Variants in USP4 observed in about 807,000 individuals in gnomAD.
USP4 encodes ubiquitin specific peptidase 4, also known as ubiquitin carboxyl-terminal hydrolase 4.
A neutral mutation model predicts 118.2 loss-of-function variants in USP4; 72 were observed. The ratio of observed to expected loss-of-function variants is 0.61; its 90% confidence interval spans 0.50 to 0.74. The LOEUF (loss-of-function observed/expected upper bound fraction) is 0.74. Among genes scored for constraint, USP4 ranks in the 30% least tolerant of loss-of-function variants. USP4 has a pLI of 0.00. For missense variants in USP4, 1,037 were observed against 1,185.7 expected (o/e 0.87, Z 1.84); for synonymous variants, 415 against 440.4 (o/e 0.94, Z 0.72).
intron 6 of USP4, chr3:49,317,450 C>G: frequency 1.2e-6 from 1 of 811,604 alleles, no homozygotes; most frequent in Non-Finnish European, 2.1e-6. Flanking sequence ...AGCGCCATGC[C>G]CTGCTGGGTC....
chr3:49,338,970 AC>A (rs1173761804), intron 1 of USP4, among the ~76,000 whole-genome samples: 1 of 152,012 alleles, frequency 6.6e-6, no homozygotes, highest in Non-Finnish European at 1.5e-5. Context: ...ACATGGTGAA[AC>A]CCGGTCTCTA....
At chr3:49,280,513 T>C (rs1440305653) in intron 20 of USP4, among the ~76,000 whole-genome samples, 1 of 149,232 alleles carries the variant, frequency 6.7e-6, no homozygotes, top group Non-Finnish European at 1.5e-5. Context: ...GTGAGTGAGA[T>C]TGCGCCACTG....
At chr3:49,330,298 C>T (rs1309113300) in intron 2 of USP4, among the ~76,000 whole-genome samples, 4 of 152,024 alleles carry the variant, frequency 2.6e-5, no homozygotes, top group Non-Finnish European at 5.9e-5. Flanking sequence ...TCCATCAGAG[C>T]TCTTGGGTAA....
At chr3:49,309,943 C>CTTTTTTTATTTTTTTTTTTT (rs2047366039) in intron 8 of USP4, among the ~76,000 whole-genome samples, 1 of 40,236 alleles carries the variant, frequency 2.5e-5, no homozygotes, top group Admixed American at 4.6e-4. Context: ...TTTTTTTAAT[C>CTTTTTTTATTTTTTTTTTTT]TTTTTTTTTT....
At chr3:49,300,900 C>T (rs913418498) in intron 10 of USP4, among the ~76,000 whole-genome samples, 5 of 152,008 alleles carry the variant, frequency 3.3e-5, no homozygotes, top group African/African-American at 9.7e-5. Context: ...CCCCAACACA[C>T]ATATATATAT....
chr3:49,332,543 TC>T (rs2047629146), intron 2 of USP4, among the ~76,000 whole-genome samples: 1 of 151,802 alleles, frequency 6.6e-6, no homozygotes, highest in South Asian at 2.1e-4. Flanking sequence ...GGGTGTTTTG[TC>T]TACATTTAAA....
At position 49,294,622 on chromosome 3, in the gene USP4, A is replaced by G. The variant is rs769483304; in HGVS notation, c.1692-24T>C. On this transcript the variant is annotated intron_variant, in intron 13 of 21. Transcript: ENST00000265560. ...ACCTGCGTCAATCACACAAGAGGGC[A>G]CTTTTAGCAGTAGGTCCTTGTGAAC... The G allele has an allele frequency of 1.4e-5, 23 of 1,605,206 alleles. No individual in the cohort carries two copies. The South Asian group carries it at 2.6e-4, about 18-fold the overall frequency.
chr3:49,300,757 G>T (rs1338335825), intron 10 of USP4, 66 bp from the exon 11 acceptor site: 2 of 1,457,300 alleles, frequency 1.4e-6, no homozygotes, highest in African/African-American at 1.4e-5. Context: ...CATCCAGAAT[G>T]ACTCACAGCA....
chr3:49,323,015 T>C (rs1001006377), intron 6 of USP4, among the ~76,000 whole-genome samples: 2 of 151,548 alleles, frequency 1.3e-5, no homozygotes. Flanking sequence ...TTCCCCAGGC[T>C]AGAGTGCAAT....
intron 11 of USP4, 122 bp downstream of exon 11, chr3:49,300,345 C>A (rs2047251839): frequency 1.3e-6 from 1 of 799,206 alleles, no homozygotes. Context: ...AGGCCAAGGG[C>A]CCATACCCAG....
rs552524025 is a variant in USP4, at chr3:49,303,432, C to A, written c.1129-890G>T. 9.4e-5 allele frequency among the ~76,000 whole-genome samples: 11 copies of A among 116,584 alleles called. No individual in the cohort carries two copies. The South Asian group carries it at 2.5e-3, about 27-fold the overall frequency. The allele number at this position is 116,584 out of a possible 152,430, so 76.5% of individuals were successfully genotyped here. A position where few individuals can be genotyped will look rare whatever the true frequency, so the allele number is the denominator to read the frequency against. On this transcript the variant is annotated intron_variant, in intron 9 of 21. Coordinates refer to ENST00000265560, the MANE Select transcript of USP4 (RefSeq NM_003363.4). ...CTCCAGCCTGGGCGACATAGCAAGG[C>A]TGTCTCAAAAAAAAAAAAAAAAAAA...
intron 15 of USP4, among the ~76,000 whole-genome samples, chr3:49,290,238 C>T (rs183512885): frequency 1.6e-4 from 24 of 152,180 alleles, no homozygotes; most frequent in Admixed American, 1.0e-3. Context: ...ATGATGGAGA[C>T]ACCCCGTCTC....
intron 6 of USP4, among the ~76,000 whole-genome samples, chr3:49,316,201 T>TA (rs1407405988): frequency 2.6e-5 from 4 of 151,986 alleles, no homozygotes; most frequent in Middle Eastern, 3.4e-3. Context: ...AGACTTCATC[T>TA]AAAAAAAATA....
intron 6 of USP4, among the ~76,000 whole-genome samples, chr3:49,321,174 A>G (rs537499349): frequency 6.6e-6 from 1 of 152,348 alleles, no homozygotes; most frequent in South Asian, 2.1e-4. Flanking sequence ...GCTAATTTGC[A>G]GATTTTTCTT....
chr3:49,279,613 G>A (rs2046996538), intron 20 of USP4, among the ~76,000 whole-genome samples: 2 of 152,112 alleles, frequency 1.3e-5, no homozygotes, highest in South Asian at 4.1e-4. Context: ...CCCAGTTCCT[G>A]CTCCACCCAG....
rs775374389 is a variant in USP4, at chr3:49,280,865, A to C, written c.2541-18T>G. 1 of 1,609,544 alleles carries C rather than the reference A, an allele frequency of 6.2e-7. No homozygotes were observed. Among genetic ancestry groups the C allele is most frequent in the Non-Finnish European group, 8.5e-7 (1 of 1,176,168 alleles). ...TCAGCCCTCTGAGCACAAAACACAA[A>C]AATAGTTATTGAATATGTTAAACCC... On this transcript the variant is annotated intron_variant, in intron 19 of 21. Coordinates refer to ENST00000265560, the MANE Select transcript of USP4 (RefSeq NM_003363.4).
chr3:49,286,039 T>C, intron 16 of USP4, 59 bp downstream of exon 16: 1 of 1,537,994 alleles, frequency 6.5e-7, no homozygotes, highest in Non-Finnish European at 9.0e-7. Flanking sequence ...AGTGTAAGGA[T>C]TTTCAAACAG....
intron 20 of USP4, among the ~76,000 whole-genome samples, chr3:49,279,905 T>C (rs6778080): frequency 0.75 from 114,694 of 152,102 alleles, 43,585 homozygotes; most frequent in East Asian, 0.99. Context: ...ACCTCATGGA[T>C]GAGAAAACTG....
chr3:49,327,549 G>T, intron 3 of USP4, 137 bp downstream of exon 3: 1 of 878,736 alleles, frequency 1.1e-6, no homozygotes, highest in Non-Finnish European at 1.7e-6. Context: ...AAAAAAAAAA[G>T]AGATCCAGAA....
Sources: allele counts gnomAD v4.1 joint callset (sites outside exome capture counted in the v4.1 genomes callset), GRCh38; gene constraint gnomAD v4.1.1; transcripts MANE v1.5; gene names NCBI Gene and HGNC (gene_info 2026-07-23, HGNC 2026-07-21).